The following ADGRB3 variants were observed in gnomAD, a reference collection of about 807,000 sequenced individuals.
ADGRB3 encodes brain-specific angiogenesis inhibitor 3.
ADGRB3 carries 37 observed loss-of-function variants against 193.4 expected under a neutral mutation model. The observed-to-expected ratio is 0.19, with a 90% CI of 0.15 to 0.25. ADGRB3 has a LOEUF of 0.25. Among genes scored for constraint, ADGRB3 ranks in the 10% least tolerant of loss-of-function variants. The pLI is 1.00. For missense variants in ADGRB3, 1,637 were observed against 1,852.9 expected (o/e 0.88, Z 2.14); for synonymous variants, 690 against 644.2 (o/e 1.07, Z -1.08).
At chr6:68,704,570 A>T (rs1333486970) in intron 3 of ADGRB3, among the ~76,000 whole-genome samples, 1 of 152,180 alleles carries the variant, frequency 6.6e-6, no homozygotes, top group Non-Finnish European at 1.5e-5. Context: ...GAACCAAATT[A>T]TTTTACTTAA....
At position 68,772,891 on chromosome 6, in the gene ADGRB3, AAAAATATATAT is replaced by A. The variant is rs1210130155; in HGVS notation, c.757+133461_757+133471del. On this transcript the variant is annotated intron_variant, in intron 3 of 31. Transcript: ENST00000370598. ...CAAACAAACAAACAAACAAAAAAAAAAAAATATATATATATATATATATATATATATATATA... is the reference window on the plus strand; with the variant it reads ...CAAACAAACAAACAAACAAAAAAAAAATATATATATATATATATATATATA... Among the ~76,000 whole-genome samples the A allele has an allele frequency of 0.016, 561 of 35,706 alleles. 17 individuals carry two copies. In the East Asian group the frequency reaches 0.24, roughly 16 times the overall value. 23.4% of individuals were successfully genotyped at this position (35,706 alleles called of 152,430 possible). A position where few individuals can be genotyped will look rare whatever the true frequency, so the allele number is the denominator to read the frequency against.
intron 17 of ADGRB3, among the ~76,000 whole-genome samples, chr6:69,078,596 A>G (rs1383286410): frequency 6.6e-6 from 1 of 151,982 alleles, no homozygotes; most frequent in African/African-American, 2.4e-5. Context: ...TTGATTTACT[A>G]TTCTCTATAT....
At chr6:69,184,976 A>C (rs184824191) in intron 17 of ADGRB3, among the ~76,000 whole-genome samples, 3 of 152,274 alleles carry the variant, frequency 2.0e-5, no homozygotes, top group African/African-American at 4.8e-5. Flanking sequence ...ATTAAGCACA[A>C]GAGGCCATCC....
intron 29 of ADGRB3, among the ~76,000 whole-genome samples, chr6:69,363,879 T>C (rs1196666300): frequency 6.6e-6 from 1 of 152,072 alleles, no homozygotes; most frequent in Non-Finnish European, 1.5e-5. Context: ...AGGGAGATGC[T>C]ATTCTGACAA....
At chr6:69,057,531 G>GTTTTGT (rs145741440) in intron 15 of ADGRB3, among the ~76,000 whole-genome samples, 2 of 149,442 alleles carry the variant, frequency 1.3e-5, no homozygotes, top group Non-Finnish European at 3.0e-5. Context: ...GTTTTGTTTT[G>GTTTTGT]TTTGTTTTAC....
At chr6:68,996,364 G>A (rs569590598) in intron 11 of ADGRB3, among the ~76,000 whole-genome samples, 1 of 152,118 alleles carries the variant, frequency 6.6e-6, no homozygotes, top group East Asian at 1.9e-4. Context: ...CCCTAGCAAT[G>A]TTATATACTG....
chr6:69,180,260 G>T (rs574857901), intron 17 of ADGRB3, among the ~76,000 whole-genome samples: 59 of 152,312 alleles, frequency 3.9e-4, no homozygotes, highest in African/African-American at 1.1e-3. Context: ...TGGTGGGGTG[G>T]CTCAGACTAT....
At chr6:68,670,907 A>AT (rs1015443108) in intron 3 of ADGRB3, among the ~76,000 whole-genome samples, 1 of 151,760 alleles carries the variant, frequency 6.6e-6, no homozygotes, top group Non-Finnish European at 1.5e-5. Context: ...ATATTTTTCA[A>AT]TTTTTTTGGT....
intron 13 of ADGRB3, among the ~76,000 whole-genome samples, chr6:69,044,374 C>G: frequency 6.6e-6 from 1 of 152,328 alleles, no homozygotes; most frequent in Middle Eastern, 3.4e-3. Context: ...ATAAGACAGA[C>G]TCCTCATCCT....
At chr6:69,121,956 C>T (rs1212401061) in intron 17 of ADGRB3, among the ~76,000 whole-genome samples, 1 of 98,424 alleles carries the variant, frequency 1.0e-5, no homozygotes. Context: ...CAGAGGCGCT[C>T]CTCACATCCC....
At chr6:68,764,385 C>T (rs1309270977) in intron 3 of ADGRB3, among the ~76,000 whole-genome samples, 1 of 152,168 alleles carries the variant, frequency 6.6e-6, no homozygotes, top group Non-Finnish European at 1.5e-5. Context: ...TATGTATGAT[C>T]TTCTCAAGGA....
chr6:68,994,192 AC>A (rs941567844), intron 11 of ADGRB3, among the ~76,000 whole-genome samples: 3 of 152,116 alleles, frequency 2.0e-5, no homozygotes, highest in Admixed American at 6.6e-5. Flanking sequence ...CTGAATGAGA[AC>A]CTGTATGAAG....
At chr6:68,708,610 G>A (rs997612127) in intron 3 of ADGRB3, among the ~76,000 whole-genome samples, 2 of 152,146 alleles carry the variant, frequency 1.3e-5, no homozygotes, top group Non-Finnish European at 2.9e-5. Flanking sequence ...AACCGAAGAC[G>A]TCCAATTAAA....
chr6:69,262,641 C>T (rs888997784), intron 20 of ADGRB3, among the ~76,000 whole-genome samples: 7 of 151,836 alleles, frequency 4.6e-5, no homozygotes, highest in East Asian at 3.9e-4. Context: ...TTACTTTCTG[C>T]GGTTCCAGTT....
At chr6:69,337,664 A>G (rs754898035) in intron 24 of ADGRB3, among the ~76,000 whole-genome samples, 7 of 152,194 alleles carry the variant, frequency 4.6e-5, no homozygotes, top group Non-Finnish European at 7.4e-5. Flanking sequence ...ATTTAGTGTC[A>G]TATTCCCCAC....
intron 20 of ADGRB3, among the ~76,000 whole-genome samples, chr6:69,301,181 T>C (rs948810226): frequency 4.6e-5 from 7 of 151,820 alleles, no homozygotes; most frequent in Non-Finnish European, 1.0e-4. Flanking sequence ...TCACAAAATA[T>C]ATGTAGATAT....
chr6:68,850,014 A>G (rs1464085067), intron 3 of ADGRB3, among the ~76,000 whole-genome samples: 3 of 151,936 alleles, frequency 2.0e-5, no homozygotes, highest in East Asian at 1.9e-4. Flanking sequence ...CATATTTAAA[A>G]TATGTGTAAT....
intron 13 of ADGRB3, among the ~76,000 whole-genome samples, chr6:69,041,399 TCTC>T (rs1771068357): frequency 6.6e-6 from 1 of 152,182 alleles, no homozygotes; most frequent in Non-Finnish European, 1.5e-5. Flanking sequence ...ATAGTTATGA[TCTC>T]CTGATTGATA....
chr6:69,115,852 A>C (rs1773516540), intron 17 of ADGRB3, among the ~76,000 whole-genome samples: 1 of 152,212 alleles, frequency 6.6e-6, no homozygotes, highest in African/African-American at 2.4e-5. Flanking sequence ...AAATAAAATA[A>C]AATAAAAAAG....
Sources: allele counts gnomAD v4.1 joint callset (sites outside exome capture counted in the v4.1 genomes callset), GRCh38; gene constraint gnomAD v4.1.1; transcripts MANE v1.5; gene names NCBI Gene and HGNC (gene_info 2026-07-23, HGNC 2026-07-21).